Variants in PGAP1 observed in about 807,000 individuals in gnomAD.
PGAP1 encodes the protein post-GPI attachment to proteins inositol deacylase 1, also known as GPI inositol-deacylase.
A neutral mutation model predicts 127.0 loss-of-function variants in PGAP1; 76 were observed. The observed-to-expected ratio is 0.60, with a 90% CI of 0.50 to 0.72. The LOEUF is 0.72. Among genes scored for constraint, PGAP1 ranks in the 30% least tolerant of loss-of-function variants. The pLI is 0.00. For synonymous variants in PGAP1, 362 were observed against 366.5 expected (o/e 0.99, Z 0.14); for missense variants, 982 against 1,071.3 (o/e 0.92, Z 1.16).
intron 4 of PGAP1, 45 bp downstream of exon 4, chr2:196,912,837 C>CTT (rs762416499): frequency 6.8e-7 from 1 of 1,470,778 alleles, no homozygotes; most frequent in Non-Finnish European, 9.2e-7. Flanking sequence ...TTTATTTAAT[C>CTT]TTAAATAACA....
At chr2:196,861,992 T>A (rs1701084039) in intron 20 of PGAP1, among the ~76,000 whole-genome samples, 1 of 151,398 alleles carries the variant, frequency 6.6e-6, no homozygotes, top group Non-Finnish European at 1.5e-5. Context: ...GTACAGCATG[T>A]GTGTTTGAAC....
At chr2:196,884,180 T>G (rs1160355151) in intron 12 of PGAP1, among the ~76,000 whole-genome samples, 2 of 152,184 alleles carry the variant, frequency 1.3e-5, no homozygotes, top group Admixed American at 1.3e-4. Context: ...ATAGGCTGGA[T>G]AGAACATCCA....
At chr2:196,921,304 G>A (rs531957618) in intron 1 of PGAP1, among the ~76,000 whole-genome samples, 4 of 151,956 alleles carry the variant, frequency 2.6e-5, no homozygotes, top group South Asian at 2.1e-4. Context: ...CATCTGCAGA[G>A]ACTGTAAGCT....
At chr2:196,903,171 C>CTGTATACATTAAA (rs1702555627) in intron 4 of PGAP1, among the ~76,000 whole-genome samples, 1 of 151,656 alleles carries the variant, frequency 6.6e-6, no homozygotes, top group African/African-American at 2.4e-5. Context: ...CATGTTCAAA[C>CTGTATACATTAAA]TGTATACATT....
chr2:196,886,942 C>A lies in PGAP1; in HGVS notation c.1174-1062G>T, dbSNP rs74180694. Among the ~76,000 whole-genome samples, 1,200 of 152,156 alleles carry A rather than the reference C, an allele frequency of 7.9e-3. 8 individuals carry two copies. Among genetic ancestry groups the A allele is most frequent in the Admixed American group, 0.013 (205 of 15,284 alleles). ...CCATCTCTTGACCTCATGATCCGCC[C>A]GCCTCAACCTCCCAAAGTGACCAGC... On this transcript the variant is annotated intron_variant, in intron 10 of 26. Transcript: ENST00000354764.
rs750972842 is a variant in PGAP1, at chr2:196,890,833, T to C, written c.1168A>G (p.Met390Val). 1.3e-6 allele frequency: 2 copies of C among 1,527,630 alleles called. No homozygotes were observed. The highest frequency in any genetic ancestry group is 2.7e-5 in the African/African-American group (2 of 73,022). The allele number at this position is 1,527,630 out of a possible 1,614,324, so 94.6% of individuals were successfully genotyped here. A position where few individuals can be genotyped will look rare whatever the true frequency, so the allele number is the denominator to read the frequency against. Residue 390 changes from methionine to valine, a missense_variant, in exon 10 of 27, where the codon ATG becomes GTG. Transcript: ENST00000354764. ...AAATGTACCAATTATCTTACCAGCA[T>C]AGTGCTCTGACAATAGACATGAGTG... ...IYTHVYCQSTMLDTNSWIFAC... is the reference protein window; with the variant it reads ...IYTHVYCQSTVLDTNSWIFAC...
Position 196,890,896 on chromosome 2 carries a change from A to G in PGAP1, c.1105T>C (p.Tyr369His). The G allele has an allele frequency of 4.0e-6, 6 of 1,507,996 alleles. No individual in the cohort carries two copies. Among genetic ancestry groups the G allele is most frequent in the Non-Finnish European group, 5.5e-6 (6 of 1,084,282 alleles). The allele number at this position is 1,507,996 out of a possible 1,614,324, so 93.4% of individuals were successfully genotyped here. A position where few individuals can be genotyped will look rare whatever the true frequency, so the allele number is the denominator to read the frequency against. Residue 369 changes from tyrosine (Y) to histidine (H), a missense_variant, in exon 10 of 27, where the codon TAT becomes CAT. By Grantham distance (83) the Tyr-to-His change is moderately conservative (BLOSUM62 2). Transcript: ENST00000354764. Reference protein sequence around the residue: ...YVAYNESEKIYFTFPLENHRK... With the variant: ...YVAYNESEKIHFTFPLENHRK... ...TGATTTTCAAGAGGAAATGTAAAATATATCTTCTCAGATTCCTACAAAAAG... is the reference window on the plus strand; with the variant it reads ...TGATTTTCAAGAGGAAATGTAAAATGTATCTTCTCAGATTCCTACAAAAAG...
Position 196,912,955 on chromosome 2 carries a change from A to C in PGAP1, c.576T>G (p.Asp192Glu), listed in dbSNP as rs897190082. 1 of 1,613,852 alleles carries C rather than the reference A, an allele frequency of 6.2e-7. No individual in the cohort carries two copies. The highest frequency in any genetic ancestry group is 1.3e-5 in the African/African-American group (1 of 74,930). Residue 192 changes from aspartate to glutamate, a missense_variant, in exon 4 of 27, where the codon GAT (aspartate) becomes GAG (glutamate). By Grantham distance (45) the Asp-to-Glu change is conservative. Transcript: ENST00000354764. ...CTTGTGTAATAAGAAGATTTATCAG[A>C]TCATGCTTAAAATTTTTCAGTGTAA... The part of the protein sequence containing the change: ...ALLTLKNFKH[D>E]LINLLITQAT...
intron 12 of PGAP1, among the ~76,000 whole-genome samples, chr2:196,885,135 T>A (rs180986072): frequency 2.6e-5 from 4 of 152,208 alleles, no homozygotes; most frequent in Non-Finnish European, 5.9e-5. Context: ...TCAAATTGAA[T>A]GTTAGAAATC....
intron 4 of PGAP1, among the ~76,000 whole-genome samples, chr2:196,903,860 T>G (rs981087056): frequency 1.3e-5 from 2 of 152,186 alleles, no homozygotes; most frequent in African/African-American, 4.8e-5. Flanking sequence ...CTCAATTCTT[T>G]TTGTGATTAT....
chr2:196,889,834 G>C (rs1702038787), intron 10 of PGAP1, among the ~76,000 whole-genome samples: 1 of 147,870 alleles, frequency 6.8e-6, no homozygotes, highest in African/African-American at 2.5e-5. Context: ...ACTCCAGCCT[G>C]GGTGACAGAG....
intron 20 of PGAP1, among the ~76,000 whole-genome samples, chr2:196,858,724 C>T (rs1700971164): frequency 6.6e-6 from 1 of 151,874 alleles, no homozygotes; most frequent in African/African-American, 2.4e-5. Context: ...AATACATCAG[C>T]TATGAACCAG....
chr2:196,865,405 C>G (rs1385384694), intron 19 of PGAP1, among the ~76,000 whole-genome samples: 1 of 152,122 alleles, frequency 6.6e-6, no homozygotes, highest in Non-Finnish European at 1.5e-5. Context: ...ATCTCATGTA[C>G]TTCTCCCAAT....
In PGAP1 at chr2:196,848,072, G is replaced by C. The variant is rs1192841359; in HGVS notation, c.1862-35C>G. 3 of 1,447,994 alleles carry C rather than the reference G, an allele frequency of 2.1e-6. No individual in the cohort carries two copies. In the East Asian group the frequency reaches 7.0e-5, roughly 34 times the overall value. 89.7% of individuals were successfully genotyped at this position (1,447,994 alleles called of 1,614,324 possible). A position where few individuals can be genotyped will look rare whatever the true frequency, so the allele number is the denominator to read the frequency against. ...TAAAAAAAGTTACATGCAATTTACA[G>C]TAATTAAGTATGAGATATACTATAT... On this transcript the variant is annotated intron_variant, in intron 20 of 26. Transcript: ENST00000354764.
In PGAP1 at chr2:196,920,160, A is replaced by G; in HGVS notation, c.148-10T>C. 1 of 1,592,442 alleles carries G rather than the reference A, an allele frequency of 6.3e-7. No individual in the cohort carries two copies. The highest frequency in any genetic ancestry group is 8.5e-7 in the Non-Finnish European group (1 of 1,171,106). ...TTGGAAGTTCTATTTTCTACATTTA[A>G]AAAAAAGTAGTTTCACTTTAATCAG... is the stretch of plus-strand genomic sequence containing the variant. On this transcript the variant is annotated splice_polypyrimidine_tract_variant and intron_variant, in intron 1 of 26. Transcript: ENST00000354764.
rs537787428 is a variant in PGAP1, at chr2:196,925,649, GGA to G, written c.147+819_147+820del. ...AAAATGGCATGGAAGCGGTAGGGGT[GGA>G]GAGAGAAGGGTTGGCTCTCTCTTAA... is the stretch of plus-strand genomic sequence containing the variant. On this transcript the variant is annotated intron_variant, in intron 1 of 26. Transcript: ENST00000354764. 7.9e-5 allele frequency among the ~76,000 whole-genome samples: 12 copies of G among 152,230 alleles called. No homozygotes were observed. The South Asian group carries it at 1.7e-3, about 21-fold the overall frequency.
At position 196,916,399 on chromosome 2, in the gene PGAP1, T is replaced by G; in HGVS notation, c.477+19A>C. 1 of 1,578,854 alleles carries G rather than the reference T, an allele frequency of 6.3e-7. No homozygotes were observed. Among genetic ancestry groups the G allele is most frequent in the Non-Finnish European group, 8.6e-7 (1 of 1,163,342 alleles). On this transcript the variant is annotated intron_variant, in intron 3 of 26. Transcript: ENST00000354764. Reference sequence around the variant, plus strand: ...GCCGATAGGTTGCACCACTATTGATTTGCATACTTATCTCTCACCTTATAG... The same window carrying G: ...GCCGATAGGTTGCACCACTATTGATGTGCATACTTATCTCTCACCTTATAG...
rs533383069 is a variant in PGAP1 at position 196,834,074 on chromosome 2, A to C, written c.*7160T>G. On this transcript the variant is annotated 3_prime_UTR_variant, in exon 27 of 27. Coordinates refer to ENST00000354764, the MANE Select transcript of PGAP1 (RefSeq NM_024989.4). ...CTCAATAAGTTCAGAAAGAATGAGC[A>C]CAAGTCAAAGAATTCATGTCTTTGA... 9.9e-5 allele frequency: 15 copies of C among 152,188 alleles called. No homozygotes were observed. Among genetic ancestry groups the C allele is most frequent in the Non-Finnish European group, 2.1e-4 (14 of 67,924 alleles). 9.4% of individuals were successfully genotyped at this position (152,188 alleles called of 1,614,324 possible).
At chr2:196,846,442 C>T (rs1324041854) in intron 22 of PGAP1, among the ~76,000 whole-genome samples, 1 of 152,102 alleles carries the variant, frequency 6.6e-6, no homozygotes, top group Non-Finnish European at 1.5e-5. Flanking sequence ...AGAAGCATCA[C>T]ACCCACCATA....
Sources: allele counts gnomAD v4.1 joint callset (sites outside exome capture counted in the v4.1 genomes callset), GRCh38; gene constraint gnomAD v4.1.1; transcripts MANE v1.5; gene names NCBI Gene and HGNC (gene_info 2026-07-23, HGNC 2026-07-21).